The following TTC12 variants were observed in gnomAD, a reference collection of about 807,000 sequenced individuals.
TTC12 encodes the protein tetratricopeptide repeat domain 12.
In TTC12, 70 loss-of-function variants were observed where a neutral mutation model predicts 90.1. That is an observed-to-expected ratio of 0.78 (90% confidence interval 0.64 to 0.95). The LOEUF (loss-of-function observed/expected upper bound fraction) is 0.95. TTC12 is among the 40% of genes least tolerant of loss of function. The probability of loss-of-function intolerance (pLI) is 0.00; values close to 1 mark genes in which losing one functional copy is unlikely to be tolerated. For synonymous variants in TTC12, 296 were observed against 311.5 expected, an observed-to-expected ratio of 0.95 and a Z score of 0.53; for missense variants, 819 against 846.1, an observed-to-expected ratio of 0.97 and a Z score of 0.40.
At chr11:113,318,433 G>A (rs1947089048) in intron 2 of TTC12, among the ~76,000 whole-genome samples, 1 of 152,154 alleles carries the variant, frequency 6.6e-6, no homozygotes, top group Non-Finnish European at 1.5e-5. Context: ...TTGCAGATGG[G>A]CACCTTCCCG....
chr11:113,368,315 C>A, downstream of TTC12: 2 of 1,543,354 alleles, frequency 1.3e-6, no homozygotes, highest in Non-Finnish European at 1.7e-6. Flanking sequence ...GATCCACCCC[C>A]GCCACCGCCC....
chr11:113,361,320 G>A (rs1046357714), intron 18 of TTC12, among the ~76,000 whole-genome samples: 1 of 152,224 alleles, frequency 6.6e-6, no homozygotes, highest in African/African-American at 2.4e-5. Context: ...AGAGACCTAC[G>A]TTGACAGTGA....
At chr11:113,365,273 A>G (rs1374151526) in intron 21 of TTC12, among the ~76,000 whole-genome samples, 2 of 152,126 alleles carry the variant, frequency 1.3e-5, no homozygotes, top group African/African-American at 2.4e-5. Context: ...CAGAGAGGGA[A>G]TCGGCTTGTC....
intron 19 of TTC12, among the ~76,000 whole-genome samples, 159 bp from the exon 20 acceptor site, chr11:113,363,669 G>A (rs921018849): frequency 6.6e-6 from 1 of 152,204 alleles, no homozygotes; most frequent in African/African-American, 2.4e-5. Flanking sequence ...TTCCAGCAGG[G>A]ACCATGCCTG....
rs1949194077 is a variant in TTC12, at chr11:113,350,310, C to T, written c.1247+145C>T. 4 of 633,264 alleles carry T rather than the reference C, an allele frequency of 6.3e-6. No homozygotes were observed. The East Asian group carries it at 1.2e-4, about 18-fold the overall frequency. 39.2% of individuals were successfully genotyped at this position (633,264 alleles called of 1,614,324 possible). A position where few individuals can be genotyped will look rare whatever the true frequency, so the allele number is the denominator to read the frequency against. On this transcript the variant is annotated intron_variant, in intron 14 of 21. Transcript: ENST00000529221. ...ATTCACTGAGTAGGAGGGCTGATGC[C>T]TCCCAGGGGGCTGCAGCCACCCACT... is the stretch of plus-strand genomic sequence containing the variant.
chr11:113,339,416 C>A lies in TTC12; in HGVS notation c.768C>A (p.Asp256Glu). The stretch of plus-strand genomic sequence containing the variant: ...TCCTGGAGACCCTTTCCAAGCCTGA[C>A]CAGATCCCCTTGTTCTATGCTGGGG... ...KNLLETLSKP[D>E]QIPLFYAGGI... Residue 256 changes from aspartate to glutamate, a missense_variant, in exon 10 of 22, where the codon GAC (aspartate) becomes GAA (glutamate). Coordinates refer to ENST00000529221, the MANE Select transcript of TTC12 (RefSeq NM_017868.4). 6.2e-7 allele frequency: 1 copy of A among 1,613,816 alleles called. No individual in the cohort carries two copies. Among genetic ancestry groups the A allele is most frequent in the Non-Finnish European group, 8.5e-7 (1 of 1,179,956 alleles).
Position 113,339,281 on chromosome 11 carries a change from T to C in TTC12, c.638-5T>C. 6.3e-7 allele frequency: 1 copy of C among 1,591,786 alleles called. No homozygotes were observed. Among genetic ancestry groups the C allele is most frequent in the Non-Finnish European group, 8.5e-7 (1 of 1,171,350 alleles). On this transcript the variant is annotated splice_region_variant and splice_polypyrimidine_tract_variant and intron_variant, in intron 9 of 21. Transcript: ENST00000529221. Reference sequence around the variant, plus strand: ...TTGTTTTGCTTTCCTTTCTTGTTTTTCTAGGTTACCTGAATCAAGTAGATC... The same window carrying C: ...TTGTTTTGCTTTCCTTTCTTGTTTTCCTAGGTTACCTGAATCAAGTAGATC...
intron 21 of TTC12, 23 bp from the exon 22 acceptor site, chr11:113,366,202 G>C (rs1950200295): frequency 6.2e-7 from 1 of 1,611,100 alleles, no homozygotes; most frequent in Non-Finnish European, 8.5e-7. Flanking sequence ...TATGCCCTGG[G>C]TTGTTTGTTT....
At chr11:113,372,261 A>G (rs1950405861) in intron 21 of TTC12, among the ~76,000 whole-genome samples, 1 of 152,206 alleles carries the variant, frequency 6.6e-6, no homozygotes, top group African/African-American at 2.4e-5. Context: ...GAAAATAAGA[A>G]AAAGACAGGT....
At chr11:113,354,364 A>G (rs1472539057) in intron 16 of TTC12, among the ~76,000 whole-genome samples, 2 of 152,204 alleles carry the variant, frequency 1.3e-5, no homozygotes, top group Non-Finnish European at 2.9e-5. Flanking sequence ...CTTTTGGGCC[A>G]AGACTGTGAT....
At chr11:113,316,611 T>C (rs140218295) in intron 2 of TTC12, among the ~76,000 whole-genome samples, 2 of 152,356 alleles carry the variant, frequency 1.3e-5, no homozygotes, top group Non-Finnish European at 2.9e-5. Context: ...TGTTTCCCCA[T>C]TGACAATGAA....
At chr11:113,370,328 G>A (rs1950347657), downstream of TTC12, among the ~76,000 whole-genome samples, 4 of 152,340 alleles carry the variant, frequency 2.6e-5, no homozygotes, top group African/African-American at 9.6e-5. Context: ...GATGTCATTA[G>A]TTCTTTTCTC....
chr11:113,344,585 G>T, intron 13 of TTC12, 145 bp downstream of exon 13: 1 of 854,572 alleles, frequency 1.2e-6, no homozygotes, highest in East Asian at 2.7e-5. Flanking sequence ...GCTCTGTCAT[G>T]AGGACCTCTG....
chr11:113,361,070 G>T (rs1011530169), intron 18 of TTC12, among the ~76,000 whole-genome samples: 43 of 152,148 alleles, frequency 2.8e-4, no homozygotes, highest in Non-Finnish European at 5.0e-4. Context: ...TGCCACGTTG[G>T]GTGCTTCCCA....
chr11:113,368,711 C>A, downstream of TTC12: 1 of 582,094 alleles, frequency 1.7e-6, no homozygotes. Flanking sequence ...TGCAACAGGT[C>A]ACGGGCTGCT....
Position 113,372,586 on chromosome 11 carries a change from G to A in TTC12, c.*121-538G>A, listed in dbSNP as rs144975300. Among the ~76,000 whole-genome samples, 839 of 152,276 alleles carry A rather than the reference G, an allele frequency of 5.5e-3. 6 individuals are homozygous for A. The highest frequency in any genetic ancestry group is 9.5e-3 in the Non-Finnish European group (647 of 68,024). ...ACTTTAACTATTGTAGGCTATAGAT[G>A]CATTCCGTATACTGCATATGAGTAA... On this transcript the variant is annotated intron_variant, in intron 21 of 21. Transcript: ENST00000314756.
intron 14 of TTC12, among the ~76,000 whole-genome samples, 186 bp downstream of exon 14, chr11:113,350,351 C>G (rs781633833): frequency 1.3e-5 from 2 of 152,164 alleles, no homozygotes; most frequent in African/African-American, 2.4e-5. Context: ...TCTAGTCACT[C>G]TGCATAGAGG....
chr11:113,339,530 C>A, intron 10 of TTC12, 56 bp downstream of exon 10: 1 of 1,483,202 alleles, frequency 6.7e-7, no homozygotes, highest in Non-Finnish European at 9.2e-7. Flanking sequence ...GGGACACATT[C>A]AGAGGTCTGC....
At chr11:113,334,884 C>T in intron 7 of TTC12, 82 bp from the exon 8 acceptor site, 1 of 1,153,160 alleles carries the variant, frequency 8.7e-7, no homozygotes, top group Non-Finnish European at 1.3e-6. Flanking sequence ...TTCGCCTTAA[C>T]TCTTTTAGCT....
Sources: allele counts gnomAD v4.1 joint callset (sites outside exome capture counted in the v4.1 genomes callset), GRCh38; gene constraint gnomAD v4.1.1; transcripts MANE v1.5; gene names NCBI Gene and HGNC (gene_info 2026-07-23, HGNC 2026-07-21).